Variants in RARA observed in about 807,000 individuals in gnomAD.
The protein encoded by RARA is retinoic acid receptor alpha.
In RARA, 5 loss-of-function variants were observed where a neutral mutation model predicts 42.8. That is an observed-to-expected ratio of 0.12 (90% CI 0.06 to 0.25). The LOEUF (loss-of-function observed/expected upper bound fraction) is 0.25. Among genes scored for constraint, RARA ranks in the 10% least tolerant of loss-of-function variants. The pLI, the probability that RARA is intolerant of heterozygous loss-of-function variation, is 1.00. For missense variants in RARA, 402 were observed against 628.7 expected (o/e 0.64, Z 3.86); for synonymous variants, 256 against 259.5 (o/e 0.99, Z 0.13).
intron 1 of RARA, among the ~76,000 whole-genome samples, chr17:40,329,198 TC>T (rs2033625184): frequency 6.6e-6 from 1 of 151,846 alleles, no homozygotes; most frequent in South Asian, 2.1e-4. Flanking sequence ...AGTGACACAA[TC>T]TCGGCTCACT....
chr17:40,350,277 C>T, intron 4 of RARA: 1 of 258,278 alleles, frequency 3.9e-6, no homozygotes, highest in South Asian at 4.8e-5. Context: ...GAGGCATAGG[C>T]AGTCCCTTCT....
chr17:40,352,112 GC>G lies in RARA; in HGVS notation c.630+44del, dbSNP rs752413861. On this transcript the variant is annotated intron_variant, in intron 5 of 8. Coordinates refer to ENST00000254066, the MANE Select transcript of RARA (RefSeq NM_000964.4). The surrounding 1 kb of genome is among the most constrained non-coding windows in gnomAD (Gnocchi z 4.9). The stretch of plus-strand genomic sequence containing the variant: ...GCCTGCAGGGTGGGATTTGCCCAGG[GC>G]CACAGGGCCAGGATGGGCCCCTCTC... 2 of 1,507,626 alleles carry G rather than the reference GC, an allele frequency of 1.3e-6. No individual in the cohort carries two copies. The highest frequency in any genetic ancestry group is 2.6e-5 in the South Asian group (2 of 76,658). 93.4% of individuals were successfully genotyped at this position (1,507,626 alleles called of 1,614,324 possible).
At chr17:40,327,482 CAGGTA>C (rs1456575856) in intron 1 of RARA, among the ~76,000 whole-genome samples, 2 of 152,306 alleles carry the variant, frequency 1.3e-5, no homozygotes, top group Admixed American at 1.3e-4. Context: ...GCAGAAGCAG[CAGGTA>C]CAAGGGCCAC....
At position 40,355,243 on chromosome 17, in the gene RARA, G is replaced by A; in HGVS notation, c.1013-20G>A. The A allele has an allele frequency of 2.6e-6, 4 of 1,553,112 alleles. No homozygotes were observed. ...GCAGCTGTGTTCCCAGCTGCTCAGGGGGTGGTTCTGCTTCCTCAGACCGCC... is the reference window on the plus strand; with the variant it reads ...GCAGCTGTGTTCCCAGCTGCTCAGGAGGTGGTTCTGCTTCCTCAGACCGCC... On this transcript the variant is annotated intron_variant, in intron 7 of 8. Coordinates refer to ENST00000254066, the MANE Select transcript of RARA (RefSeq NM_000964.4). The surrounding 1 kb of genome is among the most constrained non-coding windows in gnomAD (Gnocchi z 4.1).
At chr17:40,318,074 C>A (rs1434173018) in intron 1 of RARA, among the ~76,000 whole-genome samples, 3 of 152,244 alleles carry the variant, frequency 2.0e-5, no homozygotes, top group African/African-American at 7.2e-5. Context: ...CAGTCTTCAA[C>A]TAGGAGTGGC....
chr17:40,350,587 T>C (rs905766516), intron 4 of RARA: 1 of 151,490 alleles, frequency 6.6e-6, no homozygotes, highest in African/African-American at 2.4e-5. Context: ...CAGAGATAAA[T>C]GACGCTGACA....
intron 4 of RARA, chr17:40,350,617 G>T (rs1255544277): frequency 3.3e-5 from 5 of 152,196 alleles, no homozygotes; most frequent in African/African-American, 1.2e-4. Flanking sequence ...TTGTCTGCGT[G>T]GCCGTTGCCA....
chr17:40,331,344 C>T lies in RARA; in HGVS notation c.126C>T (p.Thr42=), dbSNP rs1161066789. Residue 42 remains threonine, a synonymous_variant, in exon 2 of 9, where the codon ACC becomes ACT. Coordinates refer to ENST00000254066, the MANE Select transcript of RARA (RefSeq NM_000964.4). ...GACTCTCCCCGCCAGGCGCTCTGAC[C>T]ACTCTCCAGCACCAGCTTCCAGTTA... ...LGGLSPPGAL[T]TLQHQLPVSG... The T allele has an allele frequency of 1.2e-6, 2 of 1,614,092 alleles. No individual in the cohort carries two copies. Among genetic ancestry groups the T allele is most frequent in the South Asian group, 1.1e-5 (1 of 91,076 alleles).
intron 1 of RARA, among the ~76,000 whole-genome samples, chr17:40,329,174 C>T (rs907173301): frequency 1.3e-5 from 2 of 151,892 alleles, no homozygotes; most frequent in Non-Finnish European, 2.9e-5. Context: ...ACTCTGTTGC[C>T]CAGGCTGAAG....
intron 4 of RARA, 49 bp downstream of exon 4, chr17:40,349,974 G>A: frequency 6.2e-7 from 1 of 1,604,998 alleles, no homozygotes; most frequent in Non-Finnish European, 8.5e-7. Context: ...TGGGGTCTCA[G>A]ATGCTCCTAA....
At position 40,356,920 on chromosome 17, in the gene RARA, C is replaced by A; in HGVS notation, c.*694C>A. ...CTCTCCTTTCATGTCCCTGTGCCCC[C>A]CAGTTCTCCTCCTCAGCCTTTTCCT... is the stretch of plus-strand genomic sequence containing the variant. On this transcript the variant is annotated 3_prime_UTR_variant, in exon 9 of 9. Transcript: ENST00000254066. The A allele has an allele frequency of 2.5e-6, 1 of 400,852 alleles. No individual in the cohort carries two copies. The highest frequency in any genetic ancestry group is 4.6e-6 in the Non-Finnish European group (1 of 215,260). 24.8% of individuals were successfully genotyped at this position (400,852 alleles called of 1,614,324 possible).
At chr17:40,323,536 C>G (rs1026350878) in intron 1 of RARA, among the ~76,000 whole-genome samples, 2 of 151,808 alleles carry the variant, frequency 1.3e-5, no homozygotes, top group African/African-American at 4.8e-5. Context: ...TATGCCTTCC[C>G]CTGCACACAC....
chr17:40,354,403 C>T lies in RARA; in HGVS notation c.909C>T (p.Gly303=), dbSNP rs1220788882. 1.9e-6 allele frequency: 3 copies of T among 1,614,188 alleles called. No individual in the cohort carries two copies. Among genetic ancestry groups the T allele is most frequent in the Non-Finnish European group, 2.5e-6 (3 of 1,180,034 alleles). The change falls in exon 7 of 9, where the codon GGC becomes GGT. Residue 303 remains glycine, a synonymous_variant. Coordinates refer to ENST00000254066, the MANE Select transcript of RARA (RefSeq NM_000964.4). The surrounding 1 kb of genome is among the most constrained non-coding windows in gnomAD (Gnocchi z 4.5). ...CCCAGATGCACAACGCTGGCTTCGG[C>T]CCCCTCACCGACCTGGTCTTTGCCT... ...NRTQMHNAGF[G]PLTDLVFAFA...
At chr17:40,324,979 G>A (rs1567748643) in intron 1 of RARA, among the ~76,000 whole-genome samples, 3 of 152,078 alleles carry the variant, frequency 2.0e-5, no homozygotes, top group African/African-American at 2.4e-5. Context: ...CTGGCCGGGC[G>A]TGGTGGCTCA....
Position 40,323,516 on chromosome 17 carries a change from C to A in RARA, c.-362-7341C>A, listed in dbSNP as rs959047445. On this transcript the variant is annotated intron_variant, in intron 1 of 8. Coordinates refer to ENST00000254066, the MANE Select transcript of RARA (RefSeq NM_000964.4). ...GTGTTTGGGGCTGGGGAGGTGGGGG[C>A]TCTGCAGACTATGCCTTCCCCTGCA... is the stretch of plus-strand genomic sequence containing the variant. Among the ~76,000 whole-genome samples, 5 of 151,708 alleles carry A rather than the reference C, an allele frequency of 3.3e-5. No individual in the cohort carries two copies. In the East Asian group the frequency reaches 9.7e-4, roughly 30 times the overall value.
At chr17:40,342,758 G>A (rs2034115422) in intron 2 of RARA, 2 of 1,612,750 alleles carry the variant, frequency 1.2e-6, no homozygotes, top group Non-Finnish European at 8.5e-7. Context: ...TCCTAGTGGT[G>A]GATTTTTATA....
chr17:40,347,609 T>TG (rs2143451258), intron 2 of RARA, among the ~76,000 whole-genome samples: 1 of 152,326 alleles, frequency 6.6e-6, no homozygotes, highest in South Asian at 2.1e-4. Context: ...CCCTTTGTCA[T>TG]GCCATCTCTC....
At chr17:40,311,328 G>A (rs1252672014) in intron 1 of RARA, among the ~76,000 whole-genome samples, 1 of 152,058 alleles carries the variant, frequency 6.6e-6, no homozygotes, top group Non-Finnish European at 1.5e-5. Context: ...TGGCCCCAAG[G>A]AAGGGGTGCC....
rs200827868 is a variant in RARA at position 40,352,443 on chromosome 17, G to A, written c.743G>A (p.Gly248Asp). The A allele has an allele frequency of 3.6e-4, 580 of 1,613,648 alleles. No individual in the cohort carries two copies. Among genetic ancestry groups the A allele is most frequent in the Non-Finnish European group, 4.8e-4 (564 of 1,179,770 alleles). ...GTGGAGTTCGCCAAGCAGCTGCCCG[G>A]CTTCACCACCCTCACCATCGCCGAC... ...KTVEFAKQLP[G>D]FTTLTIADQI... Residue 248 changes from glycine to aspartate, a missense_variant, in exon 6 of 9, where the codon GGC becomes GAC. Physicochemically the swap from Gly to Asp is moderately conservative, Grantham distance 94. Coordinates refer to ENST00000254066, the MANE Select transcript of RARA (RefSeq NM_000964.4). The surrounding 1 kb of genome is among the most constrained non-coding windows in gnomAD (Gnocchi z 4.9).
Sources: allele counts gnomAD v4.1 joint callset (sites outside exome capture counted in the v4.1 genomes callset), GRCh38; gene constraint gnomAD v4.1.1; non-coding constraint Gnocchi (gnomAD v3.1); transcripts MANE v1.5; gene names NCBI Gene and HGNC (gene_info 2026-07-23, HGNC 2026-07-21).